Variants in GRIK2 observed in about 807,000 individuals in gnomAD.
GRIK2 encodes the protein glutamate ionotropic receptor kainate type subunit 2, also known as glutamate receptor ionotropic, kainate 2.
In GRIK2, 32 loss-of-function variants were observed where a neutral mutation model predicts 100.3. That is an observed-to-expected ratio of 0.32 (90% CI 0.24 to 0.43). GRIK2 has a LOEUF of 0.43. Among genes scored for constraint, GRIK2 ranks in the 20% least tolerant of loss-of-function variants. The pLI is 1.00. For missense variants in GRIK2, 843 were observed against 1,114.9 expected, an observed-to-expected ratio of 0.76 and a Z score of 3.47; for synonymous variants, 417 against 389.4, an observed-to-expected ratio of 1.07 and a Z score of -0.83.
chr6:101,531,069 C>T (rs185934771), intron 2 of GRIK2, among the ~76,000 whole-genome samples: 1 of 151,922 alleles, frequency 6.6e-6, no homozygotes, highest in Admixed American at 6.6e-5. Flanking sequence ...TGAGGTTAAG[C>T]AATTTATCAA....
intron 2 of GRIK2, among the ~76,000 whole-genome samples, chr6:101,478,619 T>G (rs1447275315): frequency 6.6e-6 from 1 of 150,466 alleles, no homozygotes; most frequent in Non-Finnish European, 1.5e-5. Context: ...GTTCATGCCA[T>G]TCTCCTGACT....
chr6:101,551,923 A>C (rs1776530967), intron 2 of GRIK2, among the ~76,000 whole-genome samples: 1 of 152,178 alleles, frequency 6.6e-6, no homozygotes, highest in South Asian at 2.1e-4. Context: ...GGGGAAGATT[A>C]GTGTAAAGCT....
chr6:101,430,958 C>T, intron 2 of GRIK2: 1 of 305,266 alleles, frequency 3.3e-6, no homozygotes, highest in South Asian at 4.0e-5. Flanking sequence ...AGGCATAGCC[C>T]TCAAAGATGG....
Position 101,663,451 on chromosome 6 carries a change from G to T in GRIK2, c.542-13172G>T, listed in dbSNP as rs1020915226. ...TCAGAATTGAACAATGAAGTGTGTTGGTCCCACTGAGGGTGAGTCAGTCAC... is the reference window on the plus strand; with the variant it reads ...TCAGAATTGAACAATGAAGTGTGTTTGTCCCACTGAGGGTGAGTCAGTCAC... On this transcript the variant is annotated intron_variant, in intron 4 of 16. Transcript: ENST00000369134. 3.9e-5 allele frequency among the ~76,000 whole-genome samples: 6 copies of T among 152,254 alleles called. No homozygotes were observed. The East Asian group carries it at 1.2e-3, about 30-fold the overall frequency.
At chr6:101,472,858 T>G (rs184517142) in intron 2 of GRIK2, among the ~76,000 whole-genome samples, 1 of 151,802 alleles carries the variant, frequency 6.6e-6, no homozygotes, top group Non-Finnish European at 1.5e-5. Context: ...AAGCAACAAA[T>G]TGTATTTATT....
At chr6:101,956,867 T>A (rs1333210694) in intron 14 of GRIK2, among the ~76,000 whole-genome samples, 1 of 148,784 alleles carries the variant, frequency 6.7e-6, no homozygotes, top group Admixed American at 6.8e-5. Context: ...TACATATATA[T>A]ATATAATTTT....
intron 2 of GRIK2, among the ~76,000 whole-genome samples, chr6:101,582,050 G>T (rs528914468): frequency 2.0e-5 from 3 of 150,552 alleles, no homozygotes; most frequent in East Asian, 2.0e-4. Flanking sequence ...GATCTGATGG[G>T]TTTTTTTTTC....
intron 11 of GRIK2, among the ~76,000 whole-genome samples, chr6:101,881,056 G>A (rs1029109277): frequency 6.6e-6 from 1 of 151,642 alleles, no homozygotes; most frequent in Admixed American, 6.6e-5. Flanking sequence ...TACAAACTTA[G>A]GCCAAATAAA....
At chr6:101,551,532 T>A (rs1273135608) in intron 2 of GRIK2, among the ~76,000 whole-genome samples, 2 of 152,194 alleles carry the variant, frequency 1.3e-5, no homozygotes, top group South Asian at 2.1e-4. Flanking sequence ...TCATTGGACA[T>A]GGCCATATCC....
chr6:101,543,083 G>C (rs1029007741), intron 2 of GRIK2, among the ~76,000 whole-genome samples: 1 of 151,974 alleles, frequency 6.6e-6, no homozygotes, highest in African/African-American at 2.4e-5. Flanking sequence ...TAAGCTTAAT[G>C]CCATTTAAAA....
intron 7 of GRIK2, among the ~76,000 whole-genome samples, chr6:101,709,870 A>G (rs1033046691): frequency 2.0e-5 from 3 of 151,716 alleles, no homozygotes; most frequent in African/African-American, 7.3e-5. Context: ...ATCATCTACC[A>G]TTTCTATGAG....
chr6:101,512,057 CATATATAT>C (rs3057424), intron 2 of GRIK2, among the ~76,000 whole-genome samples: 3 of 148,178 alleles, frequency 2.0e-5, no homozygotes, highest in Non-Finnish European at 4.5e-5. Flanking sequence ...AAGATACATA[CATATATAT>C]ATATATATAT....
At chr6:101,730,584 A>G (rs1159154728) in intron 7 of GRIK2, among the ~76,000 whole-genome samples, 1 of 151,918 alleles carries the variant, frequency 6.6e-6, no homozygotes, top group African/African-American at 2.4e-5. Flanking sequence ...CTGCTGTATA[A>G]TAATTGATAC....
Position 101,558,669 on chromosome 6 carries a change from C to CTTTTT in GRIK2, c.116-63272_116-63268dup, listed in dbSNP as rs371713680. Among the ~76,000 whole-genome samples the CTTTTT allele has an allele frequency of 3.8e-3, 538 of 143,408 alleles. 11 individuals are homozygous for CTTTTT. Among genetic ancestry groups the CTTTTT allele is most frequent in the African/African-American group, 0.013 (514 of 38,856 alleles). The allele number at this position is 143,408 out of a possible 152,430, so 94.1% of individuals were successfully genotyped here. A position where few individuals can be genotyped will look rare whatever the true frequency, so the allele number is the denominator to read the frequency against. On this transcript the variant is annotated intron_variant, in intron 2 of 16. Coordinates refer to ENST00000369134, the MANE Select transcript of GRIK2 (RefSeq NM_021956.5). The stretch of plus-strand genomic sequence containing the variant: ...TTGGCTTTGTTCCTCCCCTTTGCTT[C>CTTTTT]TTTTTTTTTTTTCTATGTTGACTGC...
chr6:101,995,396 G>T (rs189668254), intron 14 of GRIK2, among the ~76,000 whole-genome samples: 3 of 151,810 alleles, frequency 2.0e-5, no homozygotes, highest in Admixed American at 6.6e-5. Context: ...ACAACTGAAC[G>T]TATTTTAAAA....
chr6:101,854,192 T>G (rs775561358), intron 10 of GRIK2, among the ~76,000 whole-genome samples: 1 of 152,114 alleles, frequency 6.6e-6, no homozygotes, highest in Admixed American at 6.6e-5. Context: ...GGTAGGGAGA[T>G]ATGTGAAATG....
chr6:101,493,722 G>T (rs537694680), intron 2 of GRIK2, among the ~76,000 whole-genome samples: 10 of 151,508 alleles, frequency 6.6e-5, no homozygotes, highest in Admixed American at 2.0e-4. Flanking sequence ...TCAGCAGTTT[G>T]CAGTCTTTGC....
chr6:101,899,383 C>T (rs566341090), intron 12 of GRIK2, among the ~76,000 whole-genome samples: 3 of 151,844 alleles, frequency 2.0e-5, no homozygotes, highest in Non-Finnish European at 2.9e-5. Flanking sequence ...CAGAAATTCA[C>T]GTTTCATTCC....
At chr6:101,877,793 C>T (rs1446832562) in intron 11 of GRIK2, among the ~76,000 whole-genome samples, 1 of 151,664 alleles carries the variant, frequency 6.6e-6, no homozygotes, top group Non-Finnish European at 1.5e-5. Context: ...ATTCATTGTT[C>T]CTTAATACAT....
Sources: gnomAD v4.1 joint callset for allele counts (sites outside exome capture counted in the v4.1 genomes callset) on GRCh38, gnomAD v4.1.1 for gene constraint, MANE v1.5 for transcripts, NCBI Gene and HGNC (gene_info 2026-07-23, HGNC 2026-07-21) for gene names.